The following ESR1 variants were observed in gnomAD, a reference collection of about 807,000 sequenced individuals.
The protein encoded by ESR1 is estrogen receptor 1.
ESR1 carries 12 observed loss-of-function variants against 52.7 expected under a neutral mutation model. That is an observed-to-expected ratio of 0.23 (90% CI 0.15 to 0.37). ESR1 has a LOEUF of 0.37. Ranked by LOEUF, ESR1 falls within the 10% of genes least tolerant of loss-of-function variation. The pLI, the probability that ESR1 is intolerant of heterozygous loss-of-function variation, is 1.00. For synonymous variants in ESR1, 305 were observed against 316.8 expected (o/e 0.96, Z 0.39); for missense variants, 584 against 779.7 (o/e 0.75, Z 2.99).
chr6:151,866,209 T>C (rs1789871563), intron 2 of ESR1, among the ~76,000 whole-genome samples: 1 of 152,256 alleles, frequency 6.6e-6, no homozygotes, highest in Non-Finnish European at 1.5e-5. Flanking sequence ...ATAGAACATT[T>C]CTTCTTATGC....
chr6:151,828,387 A>T (rs1781853461), intron 1 of ESR1, among the ~76,000 whole-genome samples: 1 of 152,232 alleles, frequency 6.6e-6, no homozygotes, highest in Non-Finnish European at 1.5e-5. Flanking sequence ...AGATAGTGGT[A>T]CAAAGAAGAG....
intron 4 of ESR1, among the ~76,000 whole-genome samples, chr6:151,993,544 C>G (rs1268776304): frequency 6.6e-6 from 1 of 152,180 alleles, no homozygotes; most frequent in Non-Finnish European, 1.5e-5. Context: ...GCCTTGTTCC[C>G]AGACCCTGGG....
intron 2 of ESR1, among the ~76,000 whole-genome samples, chr6:151,719,014 C>T (rs535185792): frequency 7.6e-4 from 115 of 152,270 alleles, no homozygotes; most frequent in African/African-American, 1.6e-3. Context: ...CCCTTCGTCA[C>T]GTCCATGTCA....
intron 2 of ESR1, among the ~76,000 whole-genome samples, chr6:151,747,629 G>T (rs1287098940): frequency 1.3e-5 from 2 of 152,060 alleles, no homozygotes; most frequent in Non-Finnish European, 2.9e-5. Context: ...AAAGCTCAGT[G>T]GTTTTCAGTA....
intron 2 of ESR1, among the ~76,000 whole-genome samples, chr6:151,874,419 A>G (rs1791474928): frequency 1.3e-5 from 2 of 152,216 alleles, no homozygotes; most frequent in Non-Finnish European, 2.9e-5. Flanking sequence ...GAAATGTGCC[A>G]ATTCAAGATG....
chr6:151,706,663 C>T (rs1428108797), intron 2 of ESR1, among the ~76,000 whole-genome samples: 1 of 152,190 alleles, frequency 6.6e-6, no homozygotes, highest in Non-Finnish European at 1.5e-5. Context: ...TGCCTTCCCA[C>T]AGCCTGCCCT....
chr6:151,765,674 C>G (rs1269124318), intron 2 of ESR1, among the ~76,000 whole-genome samples: 1 of 152,138 alleles, frequency 6.6e-6, no homozygotes, highest in African/African-American at 2.4e-5. Flanking sequence ...GTTGCCTGGG[C>G]TTGTCACTCA....
intron 4 of ESR1, among the ~76,000 whole-genome samples, chr6:152,009,718 C>G (rs1238867083): frequency 6.6e-6 from 1 of 152,130 alleles, no homozygotes; most frequent in Non-Finnish European, 1.5e-5. Flanking sequence ...ATACAGATAT[C>G]CTACTCTTAC....
intron 4 of ESR1, among the ~76,000 whole-genome samples, chr6:151,959,060 C>G (rs1311753580): frequency 6.6e-6 from 1 of 151,662 alleles, no homozygotes; most frequent in African/African-American, 2.4e-5. Context: ...ACAAGGAGAA[C>G]AGAGTGGGAT....
At chr6:151,959,413 C>A (rs1203201550) in intron 4 of ESR1, among the ~76,000 whole-genome samples, 3 of 152,160 alleles carry the variant, frequency 2.0e-5, no homozygotes, top group East Asian at 3.9e-4. Context: ...TTATTTTTTC[C>A]TTTTAAAAAA....
At chr6:151,820,810 G>A (rs972295279) in intron 1 of ESR1, among the ~76,000 whole-genome samples, 3 of 152,132 alleles carry the variant, frequency 2.0e-5, no homozygotes, top group Non-Finnish European at 2.9e-5. Flanking sequence ...CCATTAAGTA[G>A]GGGGATGTTT....
intron 2 of ESR1, among the ~76,000 whole-genome samples, chr6:151,751,005 G>A (rs796074221): frequency 1.6e-4 from 25 of 152,318 alleles, no homozygotes; most frequent in East Asian, 3.9e-4. Flanking sequence ...CTTAAATAGC[G>A]TAAGAGTCTG....
intron 3 of ESR1, among the ~76,000 whole-genome samples, chr6:151,902,684 C>T (rs549597336): frequency 3.9e-5 from 6 of 152,194 alleles, no homozygotes; most frequent in East Asian, 3.9e-4. Context: ...TGTCAAATAA[C>T]GACAATAATA....
intron 5 of ESR1, among the ~76,000 whole-genome samples, chr6:152,022,746 C>G (rs997322720): frequency 6.6e-6 from 1 of 152,018 alleles, no homozygotes; most frequent in Admixed American, 6.6e-5. Context: ...CCGAGGCTGG[C>G]AGATCACCTG....
In ESR1 at chr6:151,890,544, T is replaced by C. The variant is rs150660301; in HGVS notation, c.760+9773T>C. On this transcript the variant is annotated intron_variant, in intron 3 of 7. Coordinates refer to ENST00000206249, the MANE Select transcript of ESR1 (RefSeq NM_000125.4). Reference sequence around the variant, plus strand: ...TTAAGTTTGAACTTTCATTATTGATTTTCTGTCCGAATAATCTGTCCATTG... The same window carrying C: ...TTAAGTTTGAACTTTCATTATTGATCTTCTGTCCGAATAATCTGTCCATTG... 2.0e-5 allele frequency among the ~76,000 whole-genome samples: 3 copies of C among 152,330 alleles called. No homozygotes were observed. In the East Asian group the frequency reaches 5.8e-4, roughly 29 times the overall value.
At chr6:152,038,820 G>A (rs1243381245) in intron 5 of ESR1, among the ~76,000 whole-genome samples, 3 of 151,968 alleles carry the variant, frequency 2.0e-5, no homozygotes, top group African/African-American at 4.8e-5. Flanking sequence ...TAGTAAAGAC[G>A]GGGTTTTGCC....
chr6:152,008,343 C>G (rs1190331673), intron 4 of ESR1, among the ~76,000 whole-genome samples: 14 of 152,056 alleles, frequency 9.2e-5, no homozygotes, highest in Admixed American at 9.2e-4. Context: ...TAAATAGACT[C>G]TTTTTGAGAG....
intron 6 of ESR1, among the ~76,000 whole-genome samples, chr6:152,082,184 C>A (rs1400882639): frequency 6.6e-6 from 1 of 152,116 alleles, no homozygotes; most frequent in Non-Finnish European, 1.5e-5. Flanking sequence ...GGCTAATATC[C>A]CTGATGAACA....
chr6:151,657,403 G>T (rs1170994095), intron 1 of ESR1, among the ~76,000 whole-genome samples: 1 of 151,942 alleles, frequency 6.6e-6, no homozygotes, highest in Non-Finnish European at 1.5e-5. Flanking sequence ...TAAATATTTT[G>T]GGTAACAATT....
Sources: gnomAD v4.1 joint callset for allele counts (sites outside exome capture counted in the v4.1 genomes callset) on GRCh38, gnomAD v4.1.1 for gene constraint, MANE v1.5 for transcripts, NCBI Gene and HGNC (gene_info 2026-07-23, HGNC 2026-07-21) for gene names.